Variants in HSPA12A observed in about 807,000 individuals in gnomAD.
HSPA12A encodes heat shock 70 kDa protein 12A.
In HSPA12A, 28 loss-of-function variants were observed where a neutral mutation model predicts 69.2. The observed-to-expected ratio is 0.40, with a 90% CI of 0.30 to 0.55. The LOEUF is 0.55. Among genes scored for constraint, HSPA12A ranks in the 20% least tolerant of loss-of-function variants. The pLI is 0.38. For synonymous variants in HSPA12A, 345 were observed against 370.5 expected, an observed-to-expected ratio of 0.93 and a Z score of 0.79; for missense variants, 686 against 900.7, an observed-to-expected ratio of 0.76 and a Z score of 3.05.
At chr10:116,819,035 TG>T (rs1845360925) in intron 2 of HSPA12A, among the ~76,000 whole-genome samples, 1 of 152,112 alleles carries the variant, frequency 6.6e-6, no homozygotes, top group African/African-American at 2.4e-5. Context: ...CTGTCTCCAT[TG>T]GTCCCATTCT....
chr10:116,681,160 T>A lies in HSPA12A; in HGVS notation c.1019A>T (p.Lys340Ile), dbSNP rs782231103. Reference sequence around the variant, plus strand: ...GCCCTGCAGGGCCTCACCTGTTGCTTTATACAGTTCCTTAAGGTGTCCCTC... The same window carrying A: ...GCCCTGCAGGGCCTCACCTGTTGCTATATACAGTTCCTTAAGGTGTCCCTC... Reference protein sequence around the residue: ...LPEGHLKELYKATGGPYGSLG... With the variant: ...LPEGHLKELYIATGGPYGSLG... Residue 340 changes from lysine (K) to isoleucine (I), a missense_variant, in exon 9 of 12, where the codon AAA (lysine) becomes ATA (isoleucine). Physicochemically the swap from Lys to Ile is moderately radical, Grantham distance 102 (BLOSUM62 -3). Transcript: ENST00000369209. The A allele has an allele frequency of 6.2e-7, 1 of 1,613,106 alleles. No individual in the cohort carries two copies. The highest frequency in any genetic ancestry group is 8.5e-7 in the Non-Finnish European group (1 of 1,179,064).
At chr10:116,744,035 T>C (rs537196917), upstream of HSPA12A, among the ~76,000 whole-genome samples, 165 of 152,278 alleles carry the variant, frequency 1.1e-3, no homozygotes, top group Admixed American at 1.7e-3. Flanking sequence ...CCGAGGGCCC[T>C]TCCTGCCTAC....
At chr10:116,728,840 T>TGAGTAA (rs1851059381) in intron 1 of HSPA12A, among the ~76,000 whole-genome samples, 1 of 152,240 alleles carries the variant, frequency 6.6e-6, no homozygotes, top group African/African-American at 2.4e-5. Context: ...TAAGACTCCC[T>TGAGTAA]GATGGTGGAA....
intron 1 of HSPA12A, among the ~76,000 whole-genome samples, chr10:116,842,019 A>C (rs891262304): frequency 2.6e-5 from 4 of 152,208 alleles, no homozygotes; most frequent in African/African-American, 9.6e-5. Context: ...AAGATTCATA[A>C]CCAGGCCTGT....
At chr10:116,766,343 G>A (rs1554889755) in intron 2 of HSPA12A, among the ~76,000 whole-genome samples, 1 of 152,088 alleles carries the variant, frequency 6.6e-6, no homozygotes, top group Non-Finnish European at 1.5e-5. Context: ...GGGCCAACAG[G>A]GACAGGTGGT....
chr10:116,692,684 G>A (rs1212853670), intron 5 of HSPA12A, among the ~76,000 whole-genome samples: 4 of 152,182 alleles, frequency 2.6e-5, no homozygotes, highest in Non-Finnish European at 2.9e-5. Context: ...ATGGGACCGT[G>A]GGCTGGAGAA....
At chr10:116,790,252 C>T (rs1027661517) in intron 2 of HSPA12A, among the ~76,000 whole-genome samples, 8 of 151,904 alleles carry the variant, frequency 5.3e-5, no homozygotes, top group East Asian at 1.9e-4. Flanking sequence ...TACAGGCGCC[C>T]GCCACCTCAC....
At chr10:116,738,286 G>A (rs1046974846) in intron 1 of HSPA12A, among the ~76,000 whole-genome samples, 3 of 152,122 alleles carry the variant, frequency 2.0e-5, no homozygotes, top group Non-Finnish European at 4.4e-5. Context: ...AGATGTAGAC[G>A]CCATTGCCCT....
In HSPA12A at chr10:116,846,336, TTTTTTTTG is replaced by T. The variant is rs1297468852; in HGVS notation, c.3+3222_3+3229del. ...GTTAATGTAATTTTTCTTTTCTTTT[TTTTTTTTG>T]TTTTTTTGTTTTTTTGTTTTTTTGA... On this transcript the variant is annotated intron_variant, in intron 1 of 12. Coordinates refer to the HSPA12A transcript ENST00000635765. Among the ~76,000 whole-genome samples, 513 of 151,508 alleles carry T rather than the reference TTTTTTTTG, an allele frequency of 3.4e-3. 2 individuals are homozygous for T. Among genetic ancestry groups the T allele is most frequent in the African/African-American group, 9.3e-3 (380 of 41,076 alleles).
intron 2 of HSPA12A, among the ~76,000 whole-genome samples, chr10:116,786,900 A>G (rs775168925): frequency 2.6e-5 from 4 of 151,840 alleles, no homozygotes; most frequent in Non-Finnish European, 5.9e-5. Context: ...TCAGCCTCTC[A>G]TAGTGCTGGG....
In HSPA12A at chr10:116,702,338, C is replaced by G. The variant is rs555091702; in HGVS notation, c.255-1209G>C. 4.1e-4 allele frequency among the ~76,000 whole-genome samples: 63 copies of G among 152,204 alleles called. No homozygotes were observed. In the South Asian group the frequency reaches 7.9e-3, roughly 19 times the overall value. On this transcript the variant is annotated intron_variant, in intron 3 of 11. Coordinates refer to ENST00000369209, the MANE Select transcript of HSPA12A (RefSeq NM_025015.3). ...CAGCCCGTGCGCCCTCAGGTGGGGACGCAGTGCAGGAGGGAAAATGAGCCA... is the reference window on the plus strand; with the variant it reads ...CAGCCCGTGCGCCCTCAGGTGGGGAGGCAGTGCAGGAGGGAAAATGAGCCA...
chr10:116,787,486 G>T (rs987002624), intron 2 of HSPA12A, among the ~76,000 whole-genome samples: 1 of 149,796 alleles, frequency 6.7e-6, no homozygotes. Flanking sequence ...TCTGTGAAGT[G>T]ATGTGGGAGG....
At chr10:116,750,801 C>G (rs1851759649) in intron 2 of HSPA12A, 1 of 165,640 alleles carries the variant, frequency 6.0e-6, no homozygotes. Context: ...ATAGGGAGAC[C>G]TCGTCTCTAC....
intron 2 of HSPA12A, among the ~76,000 whole-genome samples, chr10:116,788,113 A>G (rs1471005312): frequency 6.6e-6 from 1 of 152,222 alleles, no homozygotes; most frequent in African/African-American, 2.4e-5. Flanking sequence ...TCACAGCACC[A>G]ACTGGAAACC....
intron 1 of HSPA12A, among the ~76,000 whole-genome samples, chr10:116,738,726 G>T (rs1307087839): frequency 6.6e-6 from 1 of 152,134 alleles, no homozygotes; most frequent in Non-Finnish European, 1.5e-5. Flanking sequence ...AGCCCAGGAA[G>T]GCTTCCTGAG....
intron 1 of HSPA12A, chr10:116,835,138 G>T: frequency 2.0e-6 from 1 of 512,702 alleles, no homozygotes; most frequent in Non-Finnish European, 2.9e-6. Flanking sequence ...CCGGCAGGAG[G>T]GAAGCAAAGA....
chr10:116,688,175 GTTC>G (rs1173669582), intron 6 of HSPA12A, among the ~76,000 whole-genome samples: 1 of 152,158 alleles, frequency 6.6e-6, no homozygotes, highest in Non-Finnish European at 1.5e-5. Flanking sequence ...GCAACGCTCA[GTTC>G]TTCTTGCCCC....
At chr10:116,804,095 T>C (rs1389733505) in intron 2 of HSPA12A, among the ~76,000 whole-genome samples, 1 of 152,120 alleles carries the variant, frequency 6.6e-6, no homozygotes, top group Non-Finnish European at 1.5e-5. Context: ...GACAGGCACA[T>C]ACGCATTTAT....
At chr10:116,825,651 G>A (rs1845488556) in intron 2 of HSPA12A, among the ~76,000 whole-genome samples, 1 of 152,202 alleles carries the variant, frequency 6.6e-6, no homozygotes, top group Non-Finnish European at 1.5e-5. Context: ...CAGAACAGGT[G>A]TATCTATAGT....
Sources: allele counts gnomAD v4.1 joint callset (sites outside exome capture counted in the v4.1 genomes callset), GRCh38; gene constraint gnomAD v4.1.1; transcripts MANE v1.5; gene names NCBI Gene and HGNC (gene_info 2026-07-23, HGNC 2026-07-21).